OR7A5: variants seen among roughly 807,000 people sequenced by gnomAD.
The protein encoded by OR7A5 is olfactory receptor family 7 subfamily A member 5.
For missense variants in OR7A5, 319 were observed against 377.9 expected (o/e 0.84, Z 1.29); for synonymous variants, 140 against 146.7 (o/e 0.95, Z 0.33).
Position 14,827,402 on chromosome 19 carries a change from C to G in OR7A5, c.840G>C (p.Val280=), listed in dbSNP as rs2044779152. 1.2e-6 allele frequency: 2 copies of G among 1,613,984 alleles called. No individual in the cohort carries two copies. Among genetic ancestry groups the G allele is most frequent in the East Asian group, 4.5e-5 (2 of 44,878 alleles). The part of the protein sequence containing the change: ...SSATASVMYT[V]VTPMLNPFIY... ...TAAAGGGGTTCAGCATGGGGGTGAC[C>G]ACAGTGTACATCACTGAGGCTGTTG... The change falls in exon 2 of 2, where the codon GTG becomes GTC. Residue 280 remains valine, a synonymous_variant. Transcript: ENST00000322301.
At chr19:14,828,380 C>T (rs779119376) in intron 1 of OR7A5, 126 bp from the exon 2 acceptor site, 1 of 963,994 alleles carries the variant, frequency 1.0e-6, no homozygotes, top group Non-Finnish European at 1.5e-6. Flanking sequence ...ATCTGGTTCT[C>T]TTTAAGGGAT....
intron 1 of OR7A5, among the ~76,000 whole-genome samples, chr19:14,829,759 CCT>C (rs201373300): frequency 0.018 from 2,757 of 152,252 alleles, 81 homozygotes; most frequent in African/African-American, 0.063. Context: ...TGGGTTCTGG[CCT>C]CTGTTTCATT....
intron 1 of OR7A5, among the ~76,000 whole-genome samples, chr19:14,834,709 T>C (rs1379939034): frequency 1.3e-5 from 2 of 152,214 alleles, no homozygotes; most frequent in Non-Finnish European, 2.9e-5. Flanking sequence ...GAAATGTCTT[T>C]ACATGACTGT....
In OR7A5 at chr19:14,827,696, A is replaced by AT. The variant is rs1343943749; in HGVS notation, c.545dup (p.Asn182LysfsTer10). On this transcript the variant is annotated frameshift_variant, in exon 2 of 2. Transcript: ENST00000322301. LOFTEE classifies it low-confidence loss of function (END_TRUNC). The stretch of plus-strand genomic sequence containing the variant: ...CAGAACAAGCAAGTTGGATGACCTG[A>AT]TTAAGTTCACAGAAAAAGTGGGGGA... The AT allele has an allele frequency of 1.2e-6, 2 of 1,614,194 alleles. No individual in the cohort carries two copies. The highest frequency in any genetic ancestry group is 4.5e-5 in the East Asian group (2 of 44,888).
intron 1 of OR7A5, among the ~76,000 whole-genome samples, chr19:14,828,906 T>C (rs1052344369): frequency 1.3e-5 from 2 of 150,816 alleles, no homozygotes; most frequent in Admixed American, 6.6e-5. Flanking sequence ...AATCTAATGA[T>C]GAAGAAAGAA....
At position 14,827,587 on chromosome 19, in the gene OR7A5, A is replaced by G. The variant is rs1259348300; in HGVS notation, c.655T>C (p.Ser219Pro). Residue 219 changes from serine to proline, a missense_variant, in exon 2 of 2, where the codon TCT becomes CCT. Physicochemically the swap from Ser to Pro is moderately conservative, Grantham distance 74. Transcript: ENST00000322301. ...GCATGTATGGAAGAAATTATCTTAGAGTAAGAGTAAAGGATCCCAGTCAGG... is the reference window on the plus strand; with the variant it reads ...GCATGTATGGAAGAAATTATCTTAGGGTAAGAGTAAAGGATCCCAGTCAGG... Reference protein sequence around the residue: ...GPLTGILYSYSKIISSIHAIS... With the variant: ...GPLTGILYSYPKIISSIHAIS... 6.2e-7 allele frequency: 1 copy of G among 1,614,194 alleles called. No homozygotes were observed. The highest frequency in any genetic ancestry group is 1.7e-5 in the Admixed American group (1 of 60,014).
At chr19:14,830,820 G>T (rs1373750446) in intron 1 of OR7A5, among the ~76,000 whole-genome samples, 1 of 152,084 alleles carries the variant, frequency 6.6e-6, no homozygotes, top group African/African-American at 2.4e-5. Flanking sequence ...TTTCTTCATG[G>T]TCCAGGACAC....
intron 1 of OR7A5, among the ~76,000 whole-genome samples, chr19:14,828,844 T>C (rs1466349975): frequency 6.6e-6 from 1 of 151,786 alleles, no homozygotes; most frequent in Non-Finnish European, 1.5e-5. Context: ...GACCATGTTC[T>C]TGTCACTGTC....
chr19:14,833,535 TG>T (rs1030757212), intron 1 of OR7A5, among the ~76,000 whole-genome samples: 61 of 152,322 alleles, frequency 4.0e-4, no homozygotes, highest in African/African-American at 1.4e-3. Flanking sequence ...ATATGAAATC[TG>T]TGGGTGGGCA....
rs2044871525 is a variant in OR7A5, at chr19:14,835,055, A to C, written c.-14+19T>G. 6.6e-6 allele frequency: 1 copy of C among 152,184 alleles called. No homozygotes were observed. The highest frequency in any genetic ancestry group is 1.5e-5 in the Non-Finnish European group (1 of 68,050). The allele number at this position is 152,184 out of a possible 1,614,324, so 9.4% of individuals were successfully genotyped here. A position where few individuals can be genotyped will look rare whatever the true frequency, so the allele number is the denominator to read the frequency against. The stretch of plus-strand genomic sequence containing the variant: ...CATCTATTGTTTTCCTGCAGTTCCC[A>C]CTGGGCTCTCCAACTCACCAGGAGG... On this transcript the variant is annotated intron_variant, in intron 1 of 1. Transcript: ENST00000322301.
At chr19:14,828,283 A>G in intron 1 of OR7A5, 29 bp from the exon 2 acceptor site, 1 of 1,566,332 alleles carries the variant, frequency 6.4e-7, no homozygotes, top group Non-Finnish European at 8.7e-7. Context: ...GAAAGAGGGA[A>G]ACGAGACAGG....
rs768078243 is a variant in OR7A5, at chr19:14,827,316, G to A, written c.926C>T (p.Thr309Ile). ...RALGIHLLWG[T>I]MKGQFFKKCP ...CTTCTTGAAAAATTGCCCTTTCATT[G>A]TTCCCCACAACAAATGTATTCCCAG... Residue 309 changes from threonine (T) to isoleucine (I), a missense_variant, in exon 2 of 2, where the codon ACA becomes ATA. By Grantham distance (89) the Thr-to-Ile change is moderately conservative (BLOSUM62 -1). Transcript: ENST00000322301. The A allele has an allele frequency of 4.2e-5, 66 of 1,565,832 alleles. No individual in the cohort carries two copies. The highest frequency in any genetic ancestry group is 5.6e-5 in the Non-Finnish European group (65 of 1,159,946).
chr19:14,830,218 C>T (rs1263182164), intron 1 of OR7A5, among the ~76,000 whole-genome samples: 1 of 152,130 alleles, frequency 6.6e-6, no homozygotes, highest in Non-Finnish European at 1.5e-5. Flanking sequence ...AGAATTGGTA[C>T]AAGAAATTCC....
chr19:14,827,166 CACA>C lies in OR7A5; in HGVS notation c.*113_*115del. On this transcript the variant is annotated 3_prime_UTR_variant, in exon 2 of 2. Transcript: ENST00000322301. ...TAAATTCTACAAGACCAGTTGAAAT[CACA>C]ACAAATTGAAACTCCCAGAAATATA... 9.0e-7 allele frequency: 1 copy of C among 1,107,394 alleles called. No homozygotes were observed. Among genetic ancestry groups the C allele is most frequent in the Non-Finnish European group, 1.2e-6 (1 of 824,916 alleles). The allele number at this position is 1,107,394 out of a possible 1,614,324, so 68.6% of individuals were successfully genotyped here. A position where few individuals can be genotyped will look rare whatever the true frequency, so the allele number is the denominator to read the frequency against.
intron 1 of OR7A5, among the ~76,000 whole-genome samples, chr19:14,833,214 C>T: frequency 6.6e-6 from 1 of 152,244 alleles, no homozygotes; most frequent in East Asian, 1.9e-4. Flanking sequence ...TACGGTGGCT[C>T]ATGCCTGTAA....
chr19:14,833,727 G>A (rs944017075), intron 1 of OR7A5, among the ~76,000 whole-genome samples: 7 of 152,214 alleles, frequency 4.6e-5, no homozygotes, highest in Admixed American at 4.6e-4. Context: ...GTAAACATAA[G>A]GCAATCAAGA....
chr19:14,831,255 C>T (rs1212684756), intron 1 of OR7A5, among the ~76,000 whole-genome samples: 1 of 152,084 alleles, frequency 6.6e-6, no homozygotes, highest in Non-Finnish European at 1.5e-5. Flanking sequence ...GCCAACAATT[C>T]ACAAAAAGAA....
chr19:14,827,393 G>A lies in OR7A5; in HGVS notation c.849C>T (p.Pro283=). 6.2e-7 allele frequency: 1 copy of A among 1,613,952 alleles called. No homozygotes were observed. Among genetic ancestry groups the A allele is most frequent in the Non-Finnish European group, 8.5e-7 (1 of 1,179,952 alleles). Residue 283 remains proline (P), a synonymous_variant, in exon 2 of 2, where the codon CCC becomes CCT. Transcript: ENST00000322301. ...TASVMYTVVT[P]MLNPFIYSLR... Reference sequence around the variant, plus strand: ...GACTATAGATAAAGGGGTTCAGCATGGGGGTGACCACAGTGTACATCACTG... The same window carrying A: ...GACTATAGATAAAGGGGTTCAGCATAGGGGTGACCACAGTGTACATCACTG...
rs1289152594 is a variant in OR7A5, at chr19:14,827,236, G to C, written c.*46C>G. 5 of 1,488,762 alleles carry C rather than the reference G, an allele frequency of 3.4e-6. No individual in the cohort carries two copies. The African/African-American group carries it at 7.0e-5, about 21-fold the overall frequency. 92.2% of individuals were successfully genotyped at this position (1,488,762 alleles called of 1,614,324 possible). A position where few individuals can be genotyped will look rare whatever the true frequency, so the allele number is the denominator to read the frequency against. On this transcript the variant is annotated 3_prime_UTR_variant, in exon 2 of 2. Coordinates refer to ENST00000322301, the MANE Select transcript of OR7A5 (RefSeq NM_017506.2). The stretch of plus-strand genomic sequence containing the variant: ...GGAGCAAGTTCTATTTCCACTATCT[G>C]ATTGAAGAATGACAGTTACTACCTC...
Sources: allele counts gnomAD v4.1 joint callset (sites outside exome capture counted in the v4.1 genomes callset), GRCh38; gene constraint gnomAD v4.1.1; transcripts MANE v1.5; gene names NCBI Gene and HGNC (gene_info 2026-07-23, HGNC 2026-07-21).